MIEF1: variants seen among roughly 807,000 people sequenced by gnomAD.
MIEF1 encodes mitochondrial elongation factor 1.
Under a neutral mutation model 35.1 loss-of-function variants are expected in MIEF1, and 14 were observed. That is an observed-to-expected ratio of 0.40 (90% confidence interval 0.26 to 0.62). The LOEUF is 0.62. Among genes scored for constraint, MIEF1 ranks in the 20% least tolerant of loss-of-function variants. The pLI, the probability that MIEF1 is intolerant of heterozygous loss-of-function variation, is 0.43. For missense variants in MIEF1, 542 were observed against 615.4 expected, an observed-to-expected ratio of 0.88 and a Z score of 1.26; for synonymous variants, 245 against 254.3, an observed-to-expected ratio of 0.96 and a Z score of 0.35.
intron 1 of MIEF1, among the ~76,000 whole-genome samples, chr22:39,502,687 C>T (rs909244823): frequency 1.3e-5 from 2 of 152,250 alleles, no homozygotes; most frequent in African/African-American, 4.8e-5. Context: ...CTCCGCACCC[C>T]GGCCCGGCCC....
At chr22:39,509,439 C>T (rs1215193636) in intron 2 of MIEF1, 6 of 152,338 alleles carry the variant, frequency 3.9e-5, no homozygotes, top group Non-Finnish European at 2.9e-5. Flanking sequence ...GTTCTAACTC[C>T]ACAGGAATGG....
In MIEF1 at chr22:39,511,431, T is replaced by G. The variant is rs1930333070; in HGVS notation, c.137T>G (p.Val46Gly). 1 of 1,574,736 alleles carries G rather than the reference T, an allele frequency of 6.4e-7. No individual in the cohort carries two copies. The highest frequency in any genetic ancestry group is 1.3e-5 in the African/African-American group (1 of 74,254). Reference sequence around the variant, plus strand: ...ATGCTGGGCATCGCCACGCTGGCAGTTAAGCGGGTAAGTGCATGCAGCCAG... The same window carrying G: ...ATGCTGGGCATCGCCACGCTGGCAGGTAAGCGGGTAAGTGCATGCAGCCAG... The part of the protein sequence containing the change: ...AAMLGIATLA[V>G]KRMYDRAISA... The change falls in exon 3 of 6, where the codon GTT becomes GGT. Residue 46 changes from valine (V) to glycine (G), a missense_variant. Transcript: ENST00000325301.
At chr22:39,507,202 G>A (rs1212180684) in intron 2 of MIEF1, among the ~76,000 whole-genome samples, 3 of 152,146 alleles carry the variant, frequency 2.0e-5, no homozygotes, top group South Asian at 2.1e-4. Flanking sequence ...ATGTCAGTCC[G>A]TCCTTGGATG....
chr22:39,515,086 G>A lies in MIEF1; in HGVS notation c.*763G>A. Reference sequence around the variant, plus strand: ...GAGTAGGGAACCAGAGCTGGTTAAGGGCCTAGTGAAGGGTTTGTGTGCCCA... The same window carrying A: ...GAGTAGGGAACCAGAGCTGGTTAAGAGCCTAGTGAAGGGTTTGTGTGCCCA... On this transcript the variant is annotated 3_prime_UTR_variant, in exon 6 of 6. Coordinates refer to ENST00000325301, the MANE Select transcript of MIEF1 (RefSeq NM_019008.6). 2 of 602,574 alleles carry A rather than the reference G, an allele frequency of 3.3e-6. No individual in the cohort carries two copies. The highest frequency in any genetic ancestry group is 4.1e-5 in the South Asian group (2 of 49,316). 37.3% of individuals were successfully genotyped at this position (602,574 alleles called of 1,614,324 possible).
chr22:39,513,464 A>C, intron 5 of MIEF1, 53 bp from the exon 6 acceptor site: 1 of 1,546,760 alleles, frequency 6.5e-7, no homozygotes, highest in Non-Finnish European at 8.8e-7. Context: ...TAGAGGAAGC[A>C]TGTCTTTTGA....
intron 2 of MIEF1, among the ~76,000 whole-genome samples, chr22:39,505,051 G>A (rs761599448): frequency 3.5e-4 from 53 of 151,896 alleles, no homozygotes; most frequent in East Asian, 5.9e-4. Flanking sequence ...AAAATTAGGC[G>A]GGCATGGTGG....
chr22:39,514,670 G>A lies in MIEF1; in HGVS notation c.*347G>A, dbSNP rs1025707823. 1.2e-5 allele frequency: 4 copies of A among 326,994 alleles called. No homozygotes were observed. The highest frequency in any genetic ancestry group is 1.3e-4 in the East Asian group (2 of 15,370). 20.3% of individuals were successfully genotyped at this position (326,994 alleles called of 1,614,324 possible). ...TGCCTCTATCTGGTCTGCCTTGCCC[G>A]TTTGCCTGTTCCTATTCAGTGTCTT... On this transcript the variant is annotated 3_prime_UTR_variant, in exon 6 of 6. Transcript: ENST00000325301.
rs1409178150 is a variant in MIEF1, at chr22:39,514,502, ACT to A, written c.*182_*183del. On this transcript the variant is annotated 3_prime_UTR_variant, in exon 6 of 6. Transcript: ENST00000325301. ...CTTTCGTCTCCTATTTTGTTACCCA[ACT>A]CTTCCTATTTTTGTTACCAATCACT... The A allele has an allele frequency of 8.0e-6, 5 of 626,626 alleles. No individual in the cohort carries two copies. The highest frequency in any genetic ancestry group is 6.1e-5 in the Admixed American group (2 of 32,978). The allele number at this position is 626,626 out of a possible 1,614,324, so 38.8% of individuals were successfully genotyped here.
chr22:39,513,431 A>C, intron 5 of MIEF1, 86 bp from the exon 6 acceptor site: 16 of 1,319,256 alleles, frequency 1.2e-5, no homozygotes, highest in Non-Finnish European at 1.4e-5. Flanking sequence ...CTGGGGGGGA[A>C]TGTAAGATGG....
At chr22:39,510,045 G>A (rs1053662918) in intron 2 of MIEF1, among the ~76,000 whole-genome samples, 2 of 150,628 alleles carry the variant, frequency 1.3e-5, no homozygotes, top group Admixed American at 6.6e-5. Flanking sequence ...TGCAACCTCC[G>A]CCTTCCGGGT....
chr22:39,515,417 A>T lies in MIEF1; in HGVS notation c.*1094A>T, dbSNP rs1246519092. 5.7e-6 allele frequency: 4 copies of T among 699,776 alleles called. No individual in the cohort carries two copies. Among genetic ancestry groups the T allele is most frequent in the Non-Finnish European group, 1.1e-5 (4 of 376,222 alleles). 43.3% of individuals were successfully genotyped at this position (699,776 alleles called of 1,614,324 possible). A position where few individuals can be genotyped will look rare whatever the true frequency, so the allele number is the denominator to read the frequency against. On this transcript the variant is annotated 3_prime_UTR_variant, in exon 6 of 6. Transcript: ENST00000325301. Reference sequence around the variant, plus strand: ...GAACAGACCCAACAGCCAGCCCTTCATCCTCCAGCGTCTGCCATAGGAATG... The same window carrying T: ...GAACAGACCCAACAGCCAGCCCTTCTTCCTCCAGCGTCTGCCATAGGAATG...
In MIEF1 at chr22:39,513,625, C is replaced by G; in HGVS notation, c.694C>G (p.Leu232Val). The G allele has an allele frequency of 6.2e-7, 1 of 1,614,198 alleles. No homozygotes were observed. Residue 232 changes from leucine (L) to valine (V), a missense_variant, in exon 6 of 6, where the codon CTG (leucine) becomes GTG (valine). Coordinates refer to ENST00000325301, the MANE Select transcript of MIEF1 (RefSeq NM_019008.6). Reference protein sequence around the residue: ...DTIMNVPGFFLVRRENPEYFP... With the variant: ...DTIMNVPGFFVVRRENPEYFP... ...CATCATGAATGTCCCTGGCTTCTTC[C>G]TGGTGCGTCGTGAGAATCCAGAGTA...
chr22:39,504,312 C>T lies in MIEF1; in HGVS notation c.-230C>T, dbSNP rs979084372. On this transcript the variant is annotated 5_prime_UTR_variant, in exon 2 of 6. It introduces an in-frame stop codon into an upstream open reading frame of the 5' UTR. Coordinates refer to ENST00000325301, the MANE Select transcript of MIEF1 (RefSeq NM_019008.6). Reference sequence around the variant, plus strand: ...GGGCCGACAGCTTCGCTACACTGATCGAGACTTCTACTTTGCCTCCATCCG... The same window carrying T: ...GGGCCGACAGCTTCGCTACACTGATTGAGACTTCTACTTTGCCTCCATCCG... 7 of 398,940 alleles carry T rather than the reference C, an allele frequency of 1.8e-5. No homozygotes were observed. Among genetic ancestry groups the T allele is most frequent in the Non-Finnish European group, 2.7e-5 (6 of 226,106 alleles). The allele number at this position is 398,940 out of a possible 1,614,324, so 24.7% of individuals were successfully genotyped here.
At chr22:39,506,725 A>T (rs2145743893) in intron 2 of MIEF1, among the ~76,000 whole-genome samples, 1 of 152,364 alleles carries the variant, frequency 6.6e-6, no homozygotes, top group East Asian at 1.9e-4. Flanking sequence ...TAACTATATT[A>T]GGGTGATGAG....
chr22:39,504,248 A>G lies in MIEF1; in HGVS notation c.-294A>G, dbSNP rs1024500008. The G allele has an allele frequency of 1.0e-4, 41 of 399,132 alleles. No individual in the cohort carries two copies. The highest frequency in any genetic ancestry group is 1.5e-4 in the Non-Finnish European group (34 of 226,222). 24.7% of individuals were successfully genotyped at this position (399,132 alleles called of 1,614,324 possible). On this transcript the variant is annotated 5_prime_UTR_variant, in exon 2 of 6. Transcript: ENST00000325301. ...AGTCCCCCATGGCCCCGTGGAGCCG[A>G]GAGGCGGTGCTGAGTCTCTATCGGG...
At chr22:39,507,823 C>T (rs1400565269) in intron 2 of MIEF1, among the ~76,000 whole-genome samples, 1 of 151,836 alleles carries the variant, frequency 6.6e-6, no homozygotes, top group Non-Finnish European at 1.5e-5. Flanking sequence ...CGGGATTGCC[C>T]CACTATACTC....
Position 39,504,234 on chromosome 22 carries a change from G to T in MIEF1, c.-308G>T. 2.5e-6 allele frequency: 1 copy of T among 399,312 alleles called. No homozygotes were observed. The highest frequency in any genetic ancestry group is 4.4e-6 in the Non-Finnish European group (1 of 226,290). 24.7% of individuals were successfully genotyped at this position (399,312 alleles called of 1,614,324 possible). ...ACCCAGCCCCTGCCAGTCCCCCATG[G>T]CCCCGTGGAGCCGAGAGGCGGTGCT... is the stretch of plus-strand genomic sequence containing the variant. On this transcript the variant is annotated 5_prime_UTR_variant, in exon 2 of 6. Transcript: ENST00000325301.
At chr22:39,508,351 C>T (rs759658384) in intron 2 of MIEF1, among the ~76,000 whole-genome samples, 9 of 152,230 alleles carry the variant, frequency 5.9e-5, no homozygotes, top group Non-Finnish European at 1.2e-4. Context: ...GCACCAAGGA[C>T]TAAAATGGTC....
chr22:39,510,381 C>T (rs2079371893), intron 2 of MIEF1, among the ~76,000 whole-genome samples: 1 of 152,122 alleles, frequency 6.6e-6, no homozygotes, highest in South Asian at 2.1e-4. Context: ...ATTCCTCCTG[C>T]CTCAGCCTCC....
Sources: gnomAD v4.1 joint callset for allele counts (sites outside exome capture counted in the v4.1 genomes callset) on GRCh38, gnomAD v4.1.1 for gene constraint, MANE v1.5 for transcripts, NCBI Gene and HGNC (gene_info 2026-07-23, HGNC 2026-07-21) for gene names.